PHF14: variants seen among roughly 807,000 people sequenced by gnomAD.
PHF14 encodes the protein PHD finger protein 14.
In PHF14, 55 loss-of-function variants were observed where a neutral mutation model predicts 117.9. The observed-to-expected ratio is 0.47, with a 90% CI of 0.38 to 0.58. The LOEUF is 0.58. Among genes scored for constraint, PHF14 ranks in the 20% least tolerant of loss-of-function variants. The pLI is 0.00. For missense variants in PHF14, 978 were observed against 1,122.2 expected, an observed-to-expected ratio of 0.87 and a Z score of 1.84; for synonymous variants, 409 against 368.6, an observed-to-expected ratio of 1.11 and a Z score of -1.26.
intron 17 of PHF14, among the ~76,000 whole-genome samples, chr7:11,161,319 G>A (rs574761004): frequency 6.6e-6 from 1 of 152,154 alleles, no homozygotes; most frequent in Non-Finnish European, 1.5e-5. Flanking sequence ...CCAGTGAGAA[G>A]GATAAACAAA....
intron 17 of PHF14, among the ~76,000 whole-genome samples, chr7:11,162,313 C>G (rs1239987806): frequency 1.3e-5 from 2 of 151,984 alleles, no homozygotes; most frequent in African/African-American, 4.8e-5. Flanking sequence ...TGGTCTCAAA[C>G]TCCTGGCCTC....
chr7:11,033,380 A>G (rs1784193039), intron 7 of PHF14, among the ~76,000 whole-genome samples: 1 of 152,108 alleles, frequency 6.6e-6, no homozygotes, highest in Non-Finnish European at 1.5e-5. Flanking sequence ...ACAGTCAAAG[A>G]TGGTTTATCA....
chr7:11,123,115 T>C (rs1787823340), intron 17 of PHF14, among the ~76,000 whole-genome samples: 1 of 151,990 alleles, frequency 6.6e-6, no homozygotes. Flanking sequence ...GGTTTCACAG[T>C]CTTTTTTTCT....
At chr7:11,138,266 C>T (rs1031221694) in intron 17 of PHF14, among the ~76,000 whole-genome samples, 4 of 151,928 alleles carry the variant, frequency 2.6e-5, no homozygotes, top group East Asian at 1.9e-4. Flanking sequence ...TGGTCTCGAT[C>T]TCCTGACCTC....
chr7:11,101,067 G>A (rs1024004744), intron 16 of PHF14, among the ~76,000 whole-genome samples: 1 of 151,778 alleles, frequency 6.6e-6, no homozygotes. Flanking sequence ...TTAAAATACT[G>A]CACAGTTTTT....
intron 4 of PHF14, among the ~76,000 whole-genome samples, chr7:10,999,028 C>T (rs991125056): frequency 6.6e-6 from 1 of 152,166 alleles, no homozygotes. Flanking sequence ...TTGCAAAGTT[C>T]TGGCGGCACT....
intron 4 of PHF14, among the ~76,000 whole-genome samples, chr7:10,998,343 T>TA (rs199649673): frequency 0.02 from 2,994 of 152,110 alleles, 38 homozygotes; most frequent in Middle Eastern, 0.044. Flanking sequence ...AGTGGGGAGT[T>TA]AGAGATTTGG....
chr7:10,973,958 G>C lies in PHF14; in HGVS notation c.-366G>C. The C allele has an allele frequency of 4.9e-6, 1 of 206,008 alleles. No homozygotes were observed. Among genetic ancestry groups the C allele is most frequent in the Non-Finnish European group, 1.0e-5 (1 of 100,328 alleles). 12.8% of individuals were successfully genotyped at this position (206,008 alleles called of 1,614,324 possible). ...CGCGCTGTGCAATTTCTGGTCTTTC[G>C]TTGCTTCTGGTCCAGGCTAATAAAG... is the stretch of plus-strand genomic sequence containing the variant. On this transcript the variant is annotated 5_prime_UTR_variant, in exon 1 of 18. Coordinates refer to ENST00000634607, the MANE Select transcript of PHF14 (RefSeq NM_001007157.2).
At chr7:10,985,185 A>G (rs1371610709) in intron 3 of PHF14, among the ~76,000 whole-genome samples, 1 of 152,190 alleles carries the variant, frequency 6.6e-6, no homozygotes, top group African/African-American at 2.4e-5. Context: ...TTGTGAAAAG[A>G]TGATTAAAGC....
chr7:10,992,928 G>GT (rs1417617211), intron 4 of PHF14, among the ~76,000 whole-genome samples: 5 of 151,688 alleles, frequency 3.3e-5, no homozygotes, highest in East Asian at 3.9e-4. Context: ...ATATAGTCCA[G>GT]TTTTTTTTAT....
intron 17 of PHF14, among the ~76,000 whole-genome samples, chr7:11,118,601 C>T (rs966436400): frequency 5.3e-5 from 8 of 151,566 alleles, no homozygotes; most frequent in African/African-American, 1.9e-4. Context: ...TCATTATTGC[C>T]TGGTCAAGTA....
intron 14 of PHF14, among the ~76,000 whole-genome samples, chr7:11,060,668 T>C (rs983485681): frequency 3.9e-5 from 6 of 152,234 alleles, no homozygotes; most frequent in African/African-American, 1.4e-4. Context: ...TATTGTTCTT[T>C]GGAAGTCAGA....
At chr7:11,108,755 ACTTGTT>A (rs1787349845) in intron 16 of PHF14, 1 of 151,722 alleles carries the variant, frequency 6.6e-6, no homozygotes, top group African/African-American at 2.4e-5. Flanking sequence ...AGTGTAGCAA[ACTTGTT>A]CTTGGTTTAT....
intron 17 of PHF14, among the ~76,000 whole-genome samples, chr7:11,132,529 A>G (rs1353716474): frequency 6.6e-6 from 1 of 151,678 alleles, no homozygotes; most frequent in African/African-American, 2.4e-5. Context: ...TATCTTGGCT[A>G]TTGTGAATAA....
intron 5 of PHF14, among the ~76,000 whole-genome samples, chr7:11,017,107 C>A (rs913256752): frequency 8.5e-5 from 13 of 152,156 alleles, no homozygotes; most frequent in African/African-American, 2.9e-4. Context: ...CTTAGTACTC[C>A]ATTGTGTATT....
intron 6 of PHF14, among the ~76,000 whole-genome samples, chr7:11,024,672 C>T (rs1016305208): frequency 3.9e-5 from 6 of 152,126 alleles, no homozygotes; most frequent in Non-Finnish European, 4.4e-5. Context: ...ATCTGTGTAC[C>T]GCATGGTTTA....
intron 14 of PHF14, among the ~76,000 whole-genome samples, chr7:11,057,414 G>A (rs566920930): frequency 3.3e-5 from 5 of 151,770 alleles, no homozygotes; most frequent in Admixed American, 1.3e-4. Flanking sequence ...TTGCTCTGTC[G>A]CCCAGGCTGG....
chr7:11,028,886 A>T (rs368312525), intron 7 of PHF14, 68 bp downstream of exon 7: 3 of 1,224,282 alleles, frequency 2.5e-6, no homozygotes, highest in African/African-American at 1.5e-5. Flanking sequence ...ATGTCCTATA[A>T]TAAGTGTAAA....
intron 16 of PHF14, among the ~76,000 whole-genome samples, chr7:11,073,270 T>C (rs1478206243): frequency 6.6e-6 from 1 of 152,192 alleles, no homozygotes; most frequent in African/African-American, 2.4e-5. Context: ...ACAAGTTATT[T>C]ACTTCCAAGA....
Sources: allele counts gnomAD v4.1 joint callset (sites outside exome capture counted in the v4.1 genomes callset), GRCh38; gene constraint gnomAD v4.1.1; transcripts MANE v1.5; gene names NCBI Gene and HGNC (gene_info 2026-07-23, HGNC 2026-07-21).